TRAF3: variants seen among roughly 807,000 people sequenced by gnomAD.
The protein encoded by TRAF3 is TNF receptor-associated factor 3.
TRAF3 carries 13 observed loss-of-function variants against 62.3 expected under a neutral mutation model. The observed-to-expected ratio is 0.21, with a 90% CI of 0.14 to 0.33. The LOEUF (loss-of-function observed/expected upper bound fraction) is 0.33, where lower values mean the gene tolerates loss of function less well. Among genes scored for constraint, TRAF3 ranks in the 10% least tolerant of loss-of-function variants. The probability of loss-of-function intolerance (pLI) is 1.00; values close to 1 mark genes in which losing one functional copy is unlikely to be tolerated. For missense variants in TRAF3, 440 were observed against 741.8 expected, an observed-to-expected ratio of 0.59 and a Z score of 4.73; for synonymous variants, 269 against 283.4, an observed-to-expected ratio of 0.95 and a Z score of 0.51.
chr14:102,778,575 G>A (rs558337450), intron 1 of TRAF3, among the ~76,000 whole-genome samples: 63 of 148,058 alleles, frequency 4.3e-4, no homozygotes, highest in Admixed American at 2.2e-3. Flanking sequence ...GACATGTGAT[G>A]CGTGGTGCGT....
At chr14:102,812,650 T>C (rs1899256605) in intron 1 of TRAF3, among the ~76,000 whole-genome samples, 1 of 152,198 alleles carries the variant, frequency 6.6e-6, no homozygotes, top group African/African-American at 2.4e-5. Flanking sequence ...CCGGGCGTGG[T>C]GGCTCACGCC....
chr14:102,861,479 A>C (rs936567378), intron 2 of TRAF3, among the ~76,000 whole-genome samples: 2 of 152,126 alleles, frequency 1.3e-5, no homozygotes, highest in African/African-American at 4.8e-5. Flanking sequence ...GAGAGACTCT[A>C]ACTCTCCTAA....
At chr14:102,837,149 T>TTG (rs1566765677) in intron 2 of TRAF3, among the ~76,000 whole-genome samples, 2 of 136,980 alleles carry the variant, frequency 1.5e-5, no homozygotes, top group African/African-American at 5.1e-5. Context: ...TGTGTTTTTT[T>TTG]TGGGGGGGGG....
rs1251693024 is a variant in TRAF3 at position 102,826,062 on chromosome 14, A to G, written c.-156-4272A>G. 6.6e-6 allele frequency among the ~76,000 whole-genome samples: 1 copy of G among 152,198 alleles called. No homozygotes were observed. The highest frequency in any genetic ancestry group is 1.5e-5 in the Non-Finnish European group (1 of 68,036). Reference sequence around the variant, plus strand: ...GGGAGGAAGACTGCTGTATTTCCTTAAAAGTTTTTCTGTAACTCGAATCCC... The same window carrying G: ...GGGAGGAAGACTGCTGTATTTCCTTGAAAGTTTTTCTGTAACTCGAATCCC... On this transcript the variant is annotated intron_variant, in intron 1 of 11. Coordinates refer to ENST00000392745, the MANE Select transcript of TRAF3 (RefSeq NM_145725.3). The surrounding 1 kb of genome is among the most constrained non-coding windows in gnomAD (Gnocchi z 4.6).
intron 2 of TRAF3, among the ~76,000 whole-genome samples, chr14:102,835,293 C>T (rs1329135680): frequency 6.8e-6 from 1 of 147,434 alleles, no homozygotes; most frequent in Non-Finnish European, 1.5e-5. Context: ...AATCCTAATA[C>T]ACTGTTGGTG....
intron 11 of TRAF3, among the ~76,000 whole-genome samples, chr14:102,904,050 C>T (rs1164189775): frequency 1.3e-5 from 2 of 152,108 alleles, no homozygotes; most frequent in South Asian, 4.1e-4. Context: ...GTGCTGAGGC[C>T]GGAGGGAGGA....
Position 102,905,896 on chromosome 14 carries a change from A to G in TRAF3, c.*112A>G. The G allele has an allele frequency of 9.7e-7, 1 of 1,034,306 alleles. No individual in the cohort carries two copies. Among genetic ancestry groups the G allele is most frequent in the Non-Finnish European group, 1.4e-6 (1 of 711,026 alleles). 64.1% of individuals were successfully genotyped at this position (1,034,306 alleles called of 1,614,324 possible). On this transcript the variant is annotated 3_prime_UTR_variant, in exon 12 of 12. Coordinates refer to ENST00000392745, the MANE Select transcript of TRAF3 (RefSeq NM_145725.3). Reference sequence around the variant, plus strand: ...GAAAAGGACCTTGTGAGACGGAGGAAGCGGCAGAAGGCGGACGCGTGCCGG... The same window carrying G: ...GAAAAGGACCTTGTGAGACGGAGGAGGCGGCAGAAGGCGGACGCGTGCCGG...
intron 10 of TRAF3, among the ~76,000 whole-genome samples, chr14:102,902,350 A>G (rs897982865): frequency 6.6e-6 from 1 of 152,186 alleles, no homozygotes; most frequent in Non-Finnish European, 1.5e-5. Context: ...TCCTGCCACC[A>G]TCCAGGTGGG....
At chr14:102,788,485 G>A (rs1407825884) in intron 1 of TRAF3, among the ~76,000 whole-genome samples, 1 of 151,912 alleles carries the variant, frequency 6.6e-6, no homozygotes, top group Non-Finnish European at 1.5e-5. Flanking sequence ...AACAGAGGAA[G>A]ACTCCATCTC....
chr14:102,807,022 C>T (rs752414766), intron 1 of TRAF3, among the ~76,000 whole-genome samples: 1 of 152,204 alleles, frequency 6.6e-6, no homozygotes, highest in African/African-American at 2.4e-5. Flanking sequence ...CTTCTGCACC[C>T]TGTTTTCCCA....
chr14:102,870,532 C>A, intron 3 of TRAF3, 86 bp downstream of exon 3: 1 of 1,541,522 alleles, frequency 6.5e-7, no homozygotes, highest in Non-Finnish European at 8.8e-7. Flanking sequence ...TAAAAATAAA[C>A]CTCTAGAGGT....
rs1890622836 is a variant in TRAF3, at chr14:102,907,130, CGCCTGGTCCAAGTACG to C, written c.*1356_*1371del. Reference sequence around the variant, plus strand: ...AAATCTCTAGGCCCCACGAGTGAGCCGCCTGGTCCAAGTACGGCCTGGTCCCACCCTGAGGGAGGCA... The same window carrying C: ...AAATCTCTAGGCCCCACGAGTGAGCCGCCTGGTCCCACCCTGAGGGAGGCA... On this transcript the variant is annotated 3_prime_UTR_variant, in exon 12 of 12. Transcript: ENST00000392745. The C allele has an allele frequency of 2.0e-5, 3 of 152,200 alleles. No homozygotes were observed. Among genetic ancestry groups the C allele is most frequent in the Admixed American group, 2.0e-4 (3 of 15,290 alleles). 9.4% of individuals were successfully genotyped at this position (152,200 alleles called of 1,614,324 possible). A position where few individuals can be genotyped will look rare whatever the true frequency, so the allele number is the denominator to read the frequency against.
Position 102,909,563 on chromosome 14 carries a change from G to A in TRAF3, c.*3779G>A, listed in dbSNP as rs1308061597. ...TGGCCTGTGGCGCTGGGGAGCCATG[G>A]TGTGGCATACTGGGGCTCCTGCTCC... On this transcript the variant is annotated 3_prime_UTR_variant, in exon 12 of 12. Transcript: ENST00000392745. 6.6e-6 allele frequency: 1 copy of A among 152,540 alleles called. No homozygotes were observed. Among genetic ancestry groups the A allele is most frequent in the African/African-American group, 2.4e-5 (1 of 41,470 alleles). The allele number at this position is 152,540 out of a possible 1,614,324, so 9.4% of individuals were successfully genotyped here.
chr14:102,887,803 G>A (rs918527162), intron 7 of TRAF3, among the ~76,000 whole-genome samples: 3 of 151,964 alleles, frequency 2.0e-5, no homozygotes, highest in African/African-American at 7.3e-5. Flanking sequence ...CACCTTGTTA[G>A]CCAGCATGGT....
In TRAF3 at chr14:102,903,839, C is replaced by A; in HGVS notation, c.1135+410C>A. On this transcript the variant is annotated intron_variant, in intron 11 of 11. Transcript: ENST00000392745. This position sits in a 1 kb window ranked among gnomAD's most constrained non-coding sequence, Gnocchi z 6.4. Reference sequence around the variant, plus strand: ...CAGCAGTCCCACCGCGCTCTGCCAGCATGTTTCTGATCCACAAGCAGATGT... The same window carrying A: ...CAGCAGTCCCACCGCGCTCTGCCAGAATGTTTCTGATCCACAAGCAGATGT... 1 of 460,618 alleles carries A rather than the reference C, an allele frequency of 2.2e-6. No homozygotes were observed. 28.5% of individuals were successfully genotyped at this position (460,618 alleles called of 1,614,324 possible). A position where few individuals can be genotyped will look rare whatever the true frequency, so the allele number is the denominator to read the frequency against.
Position 102,830,355 on chromosome 14 carries a change from G to A in TRAF3, c.-135G>A, listed in dbSNP as rs1014058809. ...ACAGATGAGGAAAATGAGGCCCAAA[G>A]AAGTGATGCCACTTGGTTAAGGTCC... On this transcript the variant is annotated 5_prime_UTR_variant, in exon 2 of 12. Transcript: ENST00000392745. 1 of 152,384 alleles carries A rather than the reference G, an allele frequency of 6.6e-6. No homozygotes were observed. The highest frequency in any genetic ancestry group is 2.4e-5 in the African/African-American group (1 of 41,448). The allele number at this position is 152,384 out of a possible 1,614,324, so 9.4% of individuals were successfully genotyped here.
Position 102,903,420 on chromosome 14 carries a change from C to T in TRAF3, c.1126C>T (p.Arg376Trp), listed in dbSNP as rs756511978. 1.2e-5 allele frequency: 20 copies of T among 1,613,758 alleles called. No individual in the cohort carries two copies. Among genetic ancestry groups the T allele is most frequent in the African/African-American group, 1.3e-5 (1 of 74,896 alleles). Residue 376 changes from arginine to tryptophan, a missense_variant, in exon 11 of 12, where the codon CGG (arginine) becomes TGG (tryptophan). Coordinates refer to ENST00000392745, the MANE Select transcript of TRAF3 (RefSeq NM_145725.3). This position sits in a 1 kb window ranked among gnomAD's most constrained non-coding sequence, Gnocchi z 6.4. ...SVDKSAGQVARNTGLLESQLS... is the reference protein window; with the variant it reads ...SVDKSAGQVAWNTGLLESQLS... Reference sequence around the variant, plus strand: ...GGACAAGAGCGCGGGGCAAGTGGCTCGGAACACAGGTGAGGCAGGGGCCGG... The same window carrying T: ...GGACAAGAGCGCGGGGCAAGTGGCTTGGAACACAGGTGAGGCAGGGGCCGG...
intron 1 of TRAF3, among the ~76,000 whole-genome samples, chr14:102,788,198 T>C (rs1291843908): frequency 6.6e-6 from 1 of 152,000 alleles, no homozygotes; most frequent in Non-Finnish European, 1.5e-5. Flanking sequence ...GTACTAGGAG[T>C]GTGCCTGGCA....
Position 102,792,113 on chromosome 14 carries a change from C to CTTTTTTTTTTTTTTTTTTTTTTTTTTTTT in TRAF3, c.-157+14465_-157+14466insTTTTTTTTTTTTTTTTTTTTTTTTTTTTT, listed in dbSNP as rs35895214. On this transcript the variant is annotated intron_variant, in intron 1 of 11. Coordinates refer to ENST00000392745, the MANE Select transcript of TRAF3 (RefSeq NM_145725.3). ...ACAGGTGCGAGCCACTGTGCCTGGA[C>CTTTTTTTTTTTTTTTTTTTTTTTTTTTTT]TTTTTTTTTTTTTTTTTTTTTTTTT... Among the ~76,000 whole-genome samples the CTTTTTTTTTTTTTTTTTTTTTTTTTTTTT allele has an allele frequency of 6.1e-5, 6 of 97,702 alleles. 3 individuals carry two copies. The allele number at this position is 97,702 out of a possible 152,430, so 64.1% of individuals were successfully genotyped here. A position where few individuals can be genotyped will look rare whatever the true frequency, so the allele number is the denominator to read the frequency against.
Sources: allele counts gnomAD v4.1 joint callset (sites outside exome capture counted in the v4.1 genomes callset), GRCh38; gene constraint gnomAD v4.1.1; non-coding constraint Gnocchi (gnomAD v3.1); transcripts MANE v1.5; gene names NCBI Gene and HGNC (gene_info 2026-07-23, HGNC 2026-07-21).